SLC4A7: variants seen among roughly 807,000 people sequenced by gnomAD.
The protein encoded by SLC4A7 is sodium bicarbonate cotransporter 3.
In SLC4A7, 51 loss-of-function variants were observed where a neutral mutation model predicts 137.6. The observed-to-expected ratio is 0.37, with a 90% CI of 0.30 to 0.47. The LOEUF is 0.47. Ranked by LOEUF, SLC4A7 falls within the 20% of genes least tolerant of loss-of-function variation. The probability of loss-of-function intolerance (pLI) is 1.00; values close to 1 mark genes in which losing one functional copy is unlikely to be tolerated. For synonymous variants in SLC4A7, 542 were observed against 518.6 expected (o/e 1.05, Z -0.61); for missense variants, 1,247 against 1,525.4 (o/e 0.82, Z 3.04).
At chr3:27,379,804 CTT>C (rs2050237360) in intron 24 of SLC4A7, among the ~76,000 whole-genome samples, 1 of 152,040 alleles carries the variant, frequency 6.6e-6, no homozygotes, top group African/African-American at 2.4e-5. Flanking sequence ...GTAAGGAAAA[CTT>C]AAGATTATGA....
At chr3:27,477,083 T>C (rs533752064) in intron 1 of SLC4A7, among the ~76,000 whole-genome samples, 3 of 152,346 alleles carry the variant, frequency 2.0e-5, no homozygotes, top group South Asian at 2.1e-4. Context: ...CTTTTAAAAA[T>C]AGAAGGAAAC....
chr3:27,409,719 AT>A (rs1237101538), intron 12 of SLC4A7, among the ~76,000 whole-genome samples, 189 bp from the exon 13 acceptor site: 2 of 152,232 alleles, frequency 1.3e-5, no homozygotes, highest in Non-Finnish European at 2.9e-5. Context: ...GGAATGTTAT[AT>A]TTCATTAAGA....
At chr3:27,415,111 C>A (rs906116547) in intron 11 of SLC4A7, among the ~76,000 whole-genome samples, 1 of 152,136 alleles carries the variant, frequency 6.6e-6, no homozygotes, top group Non-Finnish European at 1.5e-5. Flanking sequence ...GTTCTCAGCC[C>A]CCTAATCTAG....
chr3:27,437,481 T>A lies in SLC4A7; in HGVS notation c.335A>T (p.Asp112Val). 1 of 1,599,246 alleles carries A rather than the reference T, an allele frequency of 6.3e-7. No homozygotes were observed. ...ATCATGGGGAATATGTTCTTCATCA[T>A]CATCTTCAGTACCAAGGATAAACTG... is the stretch of plus-strand genomic sequence containing the variant. ...RVQFILGTED[D>V]DEEHIPHDLF... is the part of the protein sequence containing the mutation. Residue 112 changes from aspartate to valine, a missense_variant, in exon 4 of 26, where the codon GAT becomes GTT. By Grantham distance (152) the Asp-to-Val change is radical. Around this residue, in one of 6 missense-constraint regions of SLC4A7, gnomAD observed 176 missense variants for 186.4 expected, o/e 0.94. Transcript: ENST00000454389.
chr3:27,414,462 A>ATATC (rs1394381279), intron 11 of SLC4A7, among the ~76,000 whole-genome samples: 3 of 152,182 alleles, frequency 2.0e-5, no homozygotes, highest in Non-Finnish European at 4.4e-5. Context: ...TAGAGGTGTT[A>ATATC]TATCCTATAT....
intron 22 of SLC4A7, among the ~76,000 whole-genome samples, 156 bp downstream of exon 22, chr3:27,389,775 C>T (rs910121593): frequency 2.0e-5 from 3 of 152,060 alleles, no homozygotes; most frequent in Admixed American, 6.6e-5. Flanking sequence ...TGGGAAACAA[C>T]TGCTTTGTAT....
At chr3:27,442,067 G>T (rs1373979812) in intron 3 of SLC4A7, among the ~76,000 whole-genome samples, 1 of 151,718 alleles carries the variant, frequency 6.6e-6, no homozygotes, top group Non-Finnish European at 1.5e-5. Context: ...GTAGAGACGG[G>T]GTTTCACCAT....
intron 11 of SLC4A7, among the ~76,000 whole-genome samples, chr3:27,415,806 C>T (rs760609891): frequency 5.9e-5 from 9 of 152,306 alleles, no homozygotes; most frequent in Non-Finnish European, 8.8e-5. Context: ...TAGTAATCTG[C>T]ACCCACATAA....
intron 21 of SLC4A7, among the ~76,000 whole-genome samples, chr3:27,391,216 A>G (rs1453179030): frequency 6.6e-6 from 1 of 152,160 alleles, no homozygotes; most frequent in Non-Finnish European, 1.5e-5. Flanking sequence ...AAAATAATGA[A>G]ACCACTGGCT....
chr3:27,398,145 C>A (rs1469175612), intron 17 of SLC4A7, 47 bp downstream of exon 17: 6 of 1,437,344 alleles, frequency 4.2e-6, no homozygotes, highest in South Asian at 1.3e-5. Flanking sequence ...GAAATAAAAA[C>A]CAAAAATATG....
intron 7 of SLC4A7, among the ~76,000 whole-genome samples, chr3:27,427,697 G>A (rs1299173713): frequency 1.3e-5 from 2 of 152,086 alleles, no homozygotes; most frequent in African/African-American, 4.8e-5. Flanking sequence ...TTTAAGCACC[G>A]AAAGTAATTG....
At chr3:27,420,163 CAA>C (rs35662982) in intron 10 of SLC4A7, among the ~76,000 whole-genome samples, 2 of 135,960 alleles carry the variant, frequency 1.5e-5, no homozygotes, top group Non-Finnish European at 1.6e-5. Flanking sequence ...GACTCTGTCT[CAA>C]AAAAAAAAAG....
intron 22 of SLC4A7, 43 bp from the exon 23 acceptor site, chr3:27,386,066 A>AAACT: frequency 6.9e-7 from 1 of 1,448,728 alleles, no homozygotes; most frequent in Admixed American, 2.3e-5. Context: ...CACATAATAC[A>AAACT]AACTGTATCA....
chr3:27,430,101 C>G (rs1452433829), intron 7 of SLC4A7, among the ~76,000 whole-genome samples: 1 of 151,728 alleles, frequency 6.6e-6, no homozygotes, highest in Non-Finnish European at 1.5e-5. Context: ...CTCAGCTACT[C>G]AGAATGCTGA....
chr3:27,386,320 A>G (rs1334263540), intron 22 of SLC4A7, among the ~76,000 whole-genome samples: 3 of 135,442 alleles, frequency 2.2e-5, no homozygotes, highest in Non-Finnish European at 5.0e-5. Flanking sequence ...CTGAATATCA[A>G]AGCAAAAAAC....
chr3:27,422,932 G>A (rs778750739), intron 8 of SLC4A7: 2 of 403,096 alleles, frequency 5.0e-6, no homozygotes, highest in Non-Finnish European at 1.0e-5. Flanking sequence ...AACGGCAACT[G>A]CCATGCCTAG....
intron 22 of SLC4A7, 105 bp downstream of exon 22, chr3:27,389,826 T>C (rs905321401): frequency 7.0e-6 from 6 of 861,854 alleles, no homozygotes; most frequent in Non-Finnish European, 8.8e-6. Context: ...CCTAAGGTAC[T>C]TAAAACGCAT....
intron 1 of SLC4A7, among the ~76,000 whole-genome samples, chr3:27,454,894 A>C (rs150489554): frequency 1.6e-4 from 25 of 152,274 alleles, no homozygotes; most frequent in African/African-American, 5.8e-4. Context: ...AAGTTATATA[A>C]TCTCACAATA....
At chr3:27,443,150 G>C (rs759971069) in intron 3 of SLC4A7, among the ~76,000 whole-genome samples, 2 of 146,198 alleles carry the variant, frequency 1.4e-5, no homozygotes, top group Admixed American at 7.1e-5. Context: ...TCCTGTCTCA[G>C]CCTCTGGGTA....
Sources: allele counts gnomAD v4.1 joint callset (sites outside exome capture counted in the v4.1 genomes callset), GRCh38; gene constraint gnomAD v4.1.1; regional missense constraint gnomAD v4.1.1; transcripts MANE v1.5; gene names NCBI Gene and HGNC (gene_info 2026-07-23, HGNC 2026-07-21).